LRRC17: variants seen among roughly 807,000 people sequenced by gnomAD.
LRRC17 encodes leucine-rich repeat-containing protein 17.
Under a neutral mutation model 41.5 loss-of-function variants are expected in LRRC17, and 33 were observed. The observed-to-expected ratio is 0.80, with a 90% CI of 0.60 to 1.06. The LOEUF (loss-of-function observed/expected upper bound fraction) is 1.06. LRRC17 is among the 50% of genes least tolerant of loss of function. The pLI, the probability that LRRC17 is intolerant of heterozygous loss-of-function variation, is 0.00. For synonymous variants in LRRC17, 192 were observed against 197.0 expected, an observed-to-expected ratio of 0.97 and a Z score of 0.21; for missense variants, 491 against 519.3, an observed-to-expected ratio of 0.95 and a Z score of 0.53.
rs765868788 is a variant in LRRC17 at position 102,944,800 on chromosome 7, A to C, written c.*193A>C. The C allele has an allele frequency of 1.9e-6, 1 of 527,618 alleles. No homozygotes were observed. The highest frequency in any genetic ancestry group is 3.7e-5 in the Admixed American group (1 of 26,838). The allele number at this position is 527,618 out of a possible 1,614,324, so 32.7% of individuals were successfully genotyped here. A position where few individuals can be genotyped will look rare whatever the true frequency, so the allele number is the denominator to read the frequency against. On this transcript the variant is annotated 3_prime_UTR_variant, in exon 4 of 4. Transcript: ENST00000339431. Reference sequence around the variant, plus strand: ...ATGCTATCATCCTGCTTGCCTGTCCATTTGTGGAACAGCATCTGGTGATAT... The same window carrying C: ...ATGCTATCATCCTGCTTGCCTGTCCCTTTGTGGAACAGCATCTGGTGATAT...
chr7:102,927,478 A>G (rs1166792058), intron 1 of LRRC17, among the ~76,000 whole-genome samples: 2 of 152,238 alleles, frequency 1.3e-5, no homozygotes, highest in African/African-American at 4.8e-5. Context: ...GAGGTTTAAC[A>G]TTCCATTCAT....
In LRRC17 at chr7:102,933,901, G is replaced by A. The variant is rs369316678; in HGVS notation, c.-13G>A. ...CTGTAACACGAAGTAATTGGGGCCA[G>A]CTGGATGTCAGGATGCGTGTGGTTA... On this transcript the variant is annotated 5_prime_UTR_variant, in exon 2 of 4. Transcript: ENST00000339431. 6.3e-7 allele frequency: 1 copy of A among 1,584,528 alleles called. No homozygotes were observed. The highest frequency in any genetic ancestry group is 8.6e-7 in the Non-Finnish European group (1 of 1,162,532).
rs115534939 is a variant in LRRC17, at chr7:102,913,909, C to T, written c.-141+764C>T. Among the ~76,000 whole-genome samples, 913 of 152,232 alleles carry T rather than the reference C, an allele frequency of 6.0e-3. 12 individuals carry two copies. The highest frequency in any genetic ancestry group is 0.021 in the African/African-American group (881 of 41,546). On this transcript the variant is annotated intron_variant, in intron 1 of 3. Transcript: ENST00000339431. Reference sequence around the variant, plus strand: ...AAGCAACATCAGAGACTATAAATCTCGCTGGAGTTGAAACAGATTAAATAT... The same window carrying T: ...AAGCAACATCAGAGACTATAAATCTTGCTGGAGTTGAAACAGATTAAATAT...
intron 1 of LRRC17, among the ~76,000 whole-genome samples, chr7:102,927,156 C>G (rs1261303918): frequency 6.6e-6 from 1 of 152,214 alleles, no homozygotes; most frequent in Non-Finnish European, 1.5e-5. Flanking sequence ...CAAGCTTTGA[C>G]TGCAACAAGC....
intron 1 of LRRC17, among the ~76,000 whole-genome samples, chr7:102,920,224 C>T (rs1396013447): frequency 3.3e-5 from 5 of 152,052 alleles, no homozygotes; most frequent in Non-Finnish European, 5.9e-5. Context: ...TTAGAATACA[C>T]AACAGAATGT....
At chr7:102,925,142 C>G (rs1007159251) in intron 1 of LRRC17, among the ~76,000 whole-genome samples, 16 of 152,190 alleles carry the variant, frequency 1.1e-4, no homozygotes, top group Admixed American at 7.9e-4. Flanking sequence ...GTGGCTCATG[C>G]CAGCACTTTG....
chr7:102,924,201 G>A (rs2129471461), intron 1 of LRRC17, among the ~76,000 whole-genome samples: 1 of 147,738 alleles, frequency 6.8e-6, no homozygotes, highest in East Asian at 2.0e-4. Flanking sequence ...TTGCGCCATT[G>A]CACTCCACCC....
chr7:102,921,615 G>C (rs1454120688), intron 1 of LRRC17, among the ~76,000 whole-genome samples: 1 of 151,992 alleles, frequency 6.6e-6, no homozygotes, highest in Non-Finnish European at 1.5e-5. Flanking sequence ...AGGAGGCGGA[G>C]GCTATGGTGA....
intron 3 of LRRC17, among the ~76,000 whole-genome samples, chr7:102,941,555 G>A (rs1446199996): frequency 3.3e-5 from 5 of 152,084 alleles, no homozygotes; most frequent in Non-Finnish European, 7.4e-5. Flanking sequence ...CAATTCCCCT[G>A]TCTTGATAAA....
At chr7:102,936,729 G>A (rs6465884) in intron 2 of LRRC17, among the ~76,000 whole-genome samples, 7,211 of 152,228 alleles carry the variant, frequency 0.047, 260 homozygotes, top group South Asian at 0.13. Context: ...GTGTAAATGA[G>A]AAAAGTAAAT....
At chr7:102,923,589 G>T (rs1274602422) in intron 1 of LRRC17, among the ~76,000 whole-genome samples, 1 of 150,340 alleles carries the variant, frequency 6.7e-6, no homozygotes, top group African/African-American at 2.4e-5. Context: ...TTGGGAGGCT[G>T]AGGCAGGCGG....
chr7:102,924,641 C>CTTTTTTTTTTTTT (rs71106699), intron 1 of LRRC17, among the ~76,000 whole-genome samples: 1 of 121,044 alleles, frequency 8.3e-6, no homozygotes, highest in Non-Finnish European at 1.7e-5. Context: ...GTAAGCTTTT[C>CTTTTTTTTTTTTT]TTTTTTTTTT....
At chr7:102,915,700 C>G (rs547435126) in intron 1 of LRRC17, among the ~76,000 whole-genome samples, 1 of 150,864 alleles carries the variant, frequency 6.6e-6, no homozygotes, top group African/African-American at 2.5e-5. Context: ...ACAAAAACAG[C>G]CAATTATATT....
At chr7:102,931,905 A>T (rs777586197) in intron 1 of LRRC17, 1 of 1,613,780 alleles carries the variant, frequency 6.2e-7, no homozygotes, top group Non-Finnish European at 8.5e-7. Context: ...AGTCAGAGAC[A>T]TTCAACTCTT....
At chr7:102,922,543 C>T (rs375367393) in intron 1 of LRRC17, among the ~76,000 whole-genome samples, 5 of 152,098 alleles carry the variant, frequency 3.3e-5, no homozygotes, top group East Asian at 3.9e-4. Flanking sequence ...ATGTGTAGCA[C>T]GCAACTTACA....
intron 1 of LRRC17, chr7:102,926,335 C>A: frequency 1.2e-6 from 2 of 1,613,774 alleles, no homozygotes; most frequent in Middle Eastern, 1.7e-4. Context: ...AGACACAGGA[C>A]CCCCGGGCAG....
intron 1 of LRRC17, among the ~76,000 whole-genome samples, chr7:102,918,977 A>G (rs964854533): frequency 3.3e-5 from 5 of 152,220 alleles, no homozygotes; most frequent in Non-Finnish European, 5.9e-5. Context: ...GTGGTATTCA[A>G]TATTACAGGA....
chr7:102,928,398 T>C (rs1037944233), intron 1 of LRRC17, among the ~76,000 whole-genome samples: 6 of 152,230 alleles, frequency 3.9e-5, no homozygotes, highest in African/African-American at 1.4e-4. Context: ...ATATATTTCA[T>C]AGGATAAGCT....
chr7:102,943,314 T>C (rs1278882594), intron 3 of LRRC17, among the ~76,000 whole-genome samples: 1 of 135,066 alleles, frequency 7.4e-6, no homozygotes, highest in Non-Finnish European at 1.6e-5. Context: ...TTTTGTAGCA[T>C]CTTTTTTTCC....
Sources: allele counts gnomAD v4.1 joint callset (sites outside exome capture counted in the v4.1 genomes callset), GRCh38; gene constraint gnomAD v4.1.1; transcripts MANE v1.5; gene names NCBI Gene and HGNC (gene_info 2026-07-23, HGNC 2026-07-21).